Variants in DOCK5 observed in about 807,000 individuals in gnomAD.
The protein encoded by DOCK5 is dedicator of cytokinesis 5.
Under a neutral mutation model 251.8 loss-of-function variants are expected in DOCK5, and 142 were observed. The observed-to-expected ratio is 0.56, with a 90% CI of 0.49 to 0.65. DOCK5 has a LOEUF of 0.65. Ranked by LOEUF, DOCK5 falls within the 30% of genes least tolerant of loss-of-function variation. The pLI is 0.00. For missense variants in DOCK5, 2,111 were observed against 2,312.3 expected, an observed-to-expected ratio of 0.91 and a Z score of 1.79; for synonymous variants, 842 against 835.5, an observed-to-expected ratio of 1.01 and a Z score of -0.13.
rs567771505 is a variant in DOCK5 at position 25,245,475 on chromosome 8, A to G, written c.127+1718A>G. On this transcript the variant is annotated intron_variant, in intron 2 of 51. Coordinates refer to ENST00000276440, the MANE Select transcript of DOCK5 (RefSeq NM_024940.8). ...TGTGCAGGTAAAAAGCATAAGTTCA[A>G]TTTTTCTAACTCTTCCATGTGGGCT... 5.3e-5 allele frequency among the ~76,000 whole-genome samples: 8 copies of G among 150,812 alleles called. No homozygotes were observed. The South Asian group carries it at 6.3e-4, about 12-fold the overall frequency.
At position 25,389,252 on chromosome 8, in the gene DOCK5, T is replaced by C. The variant is rs777284627; in HGVS notation, c.4273+20T>C. 3 of 1,609,118 alleles carry C rather than the reference T, an allele frequency of 1.9e-6. No individual in the cohort carries two copies. Among genetic ancestry groups the C allele is most frequent in the East Asian group, 2.2e-5 (1 of 44,704 alleles). ...AGCAGTGTATCCTTTCCGGGGGGAG[T>C]ATGGCCCCGAGGCTCTTATGGCTGT... On this transcript the variant is annotated intron_variant, in intron 41 of 51. Coordinates refer to ENST00000276440, the MANE Select transcript of DOCK5 (RefSeq NM_024940.8).
chr8:25,276,238 A>G (rs1162485400), intron 4 of DOCK5, among the ~76,000 whole-genome samples: 1 of 152,318 alleles, frequency 6.6e-6, no homozygotes, highest in African/African-American at 2.4e-5. Flanking sequence ...TTTTCACAGC[A>G]TATTAGGGGA....
chr8:25,224,845 C>T (rs17773925), intron 1 of DOCK5, among the ~76,000 whole-genome samples: 2,803 of 152,338 alleles, frequency 0.018, 39 homozygotes, highest in South Asian at 0.042. Flanking sequence ...TGGCACCCTT[C>T]TCAGGAGACT....
At position 25,372,415 on chromosome 8, in the gene DOCK5, A is replaced by C. The variant is rs145492312; in HGVS notation, c.3525-144A>C. 2.6e-4 allele frequency: 195 copies of C among 743,144 alleles called. 2 individuals carry two copies. The African/African-American group carries it at 3.2e-3, about 12-fold the overall frequency. 46.0% of individuals were successfully genotyped at this position (743,144 alleles called of 1,614,324 possible). ...CATGAGGTGTGTGTGTGTCGGCTTA[A>C]CTGTGTCACTTAATATCTAACATTG... is the stretch of plus-strand genomic sequence containing the variant. On this transcript the variant is annotated intron_variant, in intron 34 of 51. Coordinates refer to ENST00000276440, the MANE Select transcript of DOCK5 (RefSeq NM_024940.8).
Position 25,332,315 on chromosome 8 carries a change from G to GT in DOCK5, c.1970dup (p.Leu657PhefsTer11). Reference sequence around the variant, plus strand: ...AGAACATTAAACACAACCTAAAGAAGTTAATGGAAGTGGATGGAGGAGAGA... The same window carrying GT: ...AGAACATTAAACACAACCTAAAGAAGTTTAATGGAAGTGGATGGAGGAGAGA... On this transcript the variant is annotated frameshift_variant, in exon 19 of 52. Transcript: ENST00000276440. LOFTEE classifies it high-confidence loss of function. 1 of 1,613,530 alleles carries GT rather than the reference G, an allele frequency of 6.2e-7. No individual in the cohort carries two copies. The highest frequency in any genetic ancestry group is 8.5e-7 in the Non-Finnish European group (1 of 1,179,648).
At position 25,185,677 on chromosome 8, in the gene DOCK5, T is replaced by C. The variant is rs185738100; in HGVS notation, c.43+726T>C. On this transcript the variant is annotated intron_variant, in intron 1 of 51. Coordinates refer to ENST00000276440, the MANE Select transcript of DOCK5 (RefSeq NM_024940.8). ...TCCTGGAGACGAGAAGAGGACATTT[T>C]ATTAAGGAAACTGTGCCAGACCCCG... Among the ~76,000 whole-genome samples the C allele has an allele frequency of 3.9e-4, 60 of 152,246 alleles. 2 individuals carry two copies. In the East Asian group the frequency reaches 7.7e-3, roughly 20 times the overall value.
intron 2 of DOCK5, among the ~76,000 whole-genome samples, chr8:25,259,656 T>C (rs560013165): frequency 1.1e-4 from 16 of 152,252 alleles, no homozygotes; most frequent in Admixed American, 1.0e-3. Flanking sequence ...AGACAAGGTC[T>C]TACTATGTTG....
intron 1 of DOCK5, among the ~76,000 whole-genome samples, chr8:25,223,641 C>T (rs1802448725): frequency 6.6e-6 from 1 of 152,182 alleles, no homozygotes; most frequent in Admixed American, 6.5e-5. Context: ...ATACCACCAA[C>T]AATGGGCATA....
Position 25,186,169 on chromosome 8 carries a change from AAC to A in DOCK5, c.43+1220_43+1221del, listed in dbSNP as rs1041415953. Reference sequence around the variant, plus strand: ...TTTGTTGTTGTTTGTTTTGTTTTTTAACAGTCTCATATTTACTATATTATTCT... The same window carrying A: ...TTTGTTGTTGTTTGTTTTGTTTTTTAAGTCTCATATTTACTATATTATTCT... On this transcript the variant is annotated intron_variant, in intron 1 of 51. Transcript: ENST00000276440. Among the ~76,000 whole-genome samples, 127 of 152,084 alleles carry A rather than the reference AAC, an allele frequency of 8.4e-4. 1 individual carries two copies. The highest frequency in any genetic ancestry group is 3.0e-3 in the African/African-American group (125 of 41,480).
chr8:25,379,353 A>G lies in DOCK5; in HGVS notation c.3937-952A>G, dbSNP rs568588711. 3.2e-4 allele frequency among the ~76,000 whole-genome samples: 48 copies of G among 152,194 alleles called. 1 individual carries two copies. The South Asian group carries it at 9.6e-3, about 30-fold the overall frequency. On this transcript the variant is annotated intron_variant, in intron 38 of 51. Transcript: ENST00000276440. ...TGCATTCCTTTCCCAGGGTCTTAAT[A>G]TTAATATTCCTTGCTAGGAAAAGAA...
chr8:25,392,730 G>T, intron 43 of DOCK5, 66 bp from the exon 44 acceptor site: 2 of 1,374,098 alleles, frequency 1.5e-6, no homozygotes, highest in South Asian at 2.5e-5. Context: ...CCTGGGAATT[G>T]ACCAACATTT....
At chr8:25,215,188 CTT>C (rs1027136859) in intron 1 of DOCK5, among the ~76,000 whole-genome samples, 2 of 152,106 alleles carry the variant, frequency 1.3e-5, no homozygotes, top group Non-Finnish European at 2.9e-5. Flanking sequence ...CAGCTGGACT[CTT>C]TGTGTCTGTT....
rs760550790 is a variant in DOCK5 at position 25,380,405 on chromosome 8, G to T, written c.4026+11G>T. ...CTTGGCAACCTCCTGGTGAGTCTGG[G>T]TCAAAATATGTTAGGCCTCTGACAG... On this transcript the variant is annotated intron_variant, in intron 39 of 51. Coordinates refer to ENST00000276440, the MANE Select transcript of DOCK5 (RefSeq NM_024940.8). The T allele has an allele frequency of 3.1e-6, 5 of 1,598,964 alleles. No individual in the cohort carries two copies. Among genetic ancestry groups the T allele is most frequent in the Non-Finnish European group, 4.3e-6 (5 of 1,171,364 alleles).
intron 18 of DOCK5, among the ~76,000 whole-genome samples, chr8:25,326,250 A>G (rs1005240576): frequency 3.9e-5 from 6 of 152,164 alleles, no homozygotes; most frequent in African/African-American, 1.4e-4. Flanking sequence ...TGTCTCCCAT[A>G]TGCCGTGTAG....
At chr8:25,319,944 A>C (rs1805379597) in intron 15 of DOCK5, among the ~76,000 whole-genome samples, 1 of 152,250 alleles carries the variant, frequency 6.6e-6, no homozygotes, top group South Asian at 2.1e-4. Flanking sequence ...AAAACCAAAC[A>C]GAAATTTTCA....
chr8:25,317,110 T>G lies in DOCK5; in HGVS notation c.1422T>G (p.Asp474Glu), dbSNP rs764452762. The G allele has an allele frequency of 6.8e-6, 11 of 1,613,722 alleles. No homozygotes were observed. Among genetic ancestry groups the G allele is most frequent in the South Asian group, 1.1e-5 (1 of 91,078 alleles). Residue 474 changes from aspartate (D) to glutamate (E), a missense_variant, in exon 14 of 52, where the codon GAT becomes GAG. Physicochemically the swap from Asp to Glu is conservative, Grantham distance 45. Transcript: ENST00000276440. ...KNVEVTMSVH[D>E]EEGKLLEKAI... is the part of the protein sequence containing the mutation. ...TGGAGGTGACGATGTCTGTGCACGA[T>G]GAGGAGGGCAAGCTCTTGGAGGTGC... is the stretch of plus-strand genomic sequence containing the variant.
intron 21 of DOCK5, among the ~76,000 whole-genome samples, chr8:25,334,962 C>CT (rs1173820716): frequency 6.6e-6 from 1 of 152,158 alleles, no homozygotes; most frequent in Non-Finnish European, 1.5e-5. Flanking sequence ...TGGTCTCTAC[C>CT]TTTTTTGTAG....
At chr8:25,293,211 G>A (rs1186172642) in intron 6 of DOCK5, among the ~76,000 whole-genome samples, 2 of 152,122 alleles carry the variant, frequency 1.3e-5, no homozygotes, top group Admixed American at 6.6e-5. Context: ...TTCAACTTGT[G>A]CATATGTGAT....
At chr8:25,244,976 G>T (rs1309177407) in intron 2 of DOCK5, among the ~76,000 whole-genome samples, 1 of 152,130 alleles carries the variant, frequency 6.6e-6, no homozygotes, top group Non-Finnish European at 1.5e-5. Context: ...TCAATTCAAA[G>T]TCTCCAAGAC....
Sources: allele counts gnomAD v4.1 joint callset (sites outside exome capture counted in the v4.1 genomes callset), GRCh38; gene constraint gnomAD v4.1.1; transcripts MANE v1.5; gene names NCBI Gene and HGNC (gene_info 2026-07-23, HGNC 2026-07-21).